Variants in TMC1 observed in about 807,000 individuals in gnomAD.
TMC1 encodes the protein transmembrane channel-like protein 1.
In TMC1, 84 loss-of-function variants were observed where a neutral mutation model predicts 105.8. The ratio of observed to expected loss-of-function variants is 0.79; its 90% CI spans 0.67 to 0.95. TMC1 has a LOEUF of 0.95. Ranked by LOEUF, TMC1 falls within the 40% of genes least tolerant of loss-of-function variation. The pLI, the probability that TMC1 is intolerant of heterozygous loss-of-function variation, is 0.00. For missense variants in TMC1, 817 were observed against 914.1 expected (o/e 0.89, Z 1.37); for synonymous variants, 315 against 311.5 (o/e 1.01, Z -0.12).
chr9:72,675,028 A>C lies in TMC1; in HGVS notation c.17-13681A>C, dbSNP rs150830039. On this transcript the variant is annotated intron_variant, in intron 5 of 23. Coordinates refer to ENST00000297784, the MANE Select transcript of TMC1 (RefSeq NM_138691.3). ...AGATCCTTAAGAAGAATGCAGAAGT[A>C]TGAAAATAAATCCAGGACTCAGAAA... is the stretch of plus-strand genomic sequence containing the variant. Among the ~76,000 whole-genome samples the C allele has an allele frequency of 6.4e-4, 98 of 152,360 alleles. 2 individuals are homozygous for C. In the East Asian group the frequency reaches 8.9e-3, roughly 14 times the overall value.
At chr9:72,655,125 C>T (rs1414974178) in intron 5 of TMC1, among the ~76,000 whole-genome samples, 3 of 152,094 alleles carry the variant, frequency 2.0e-5, no homozygotes, top group Non-Finnish European at 2.9e-5. Context: ...TCATGAGATC[C>T]GATGGTTTTA....
intron 2 of TMC1, among the ~76,000 whole-genome samples, chr9:72,592,737 T>C (rs1002606723): frequency 1.3e-5 from 2 of 152,226 alleles, no homozygotes; most frequent in African/African-American, 2.4e-5. Flanking sequence ...AGATGCTCAA[T>C]GTCTTACACT....
chr9:72,628,491 GTGCACTTGCA>G (rs1326551809), intron 4 of TMC1: 1 of 162,748 alleles, frequency 6.1e-6, no homozygotes. Flanking sequence ...GTGTGTACGT[GTGCACTTGCA>G]TGTGTGTGGG....
chr9:72,556,665 A>G (rs1219358119), intron 1 of TMC1, among the ~76,000 whole-genome samples: 1 of 151,440 alleles, frequency 6.6e-6, no homozygotes, highest in African/African-American at 2.4e-5. Context: ...CTGAAAATAC[A>G]AAAAAAATTA....
intron 17 of TMC1, among the ~76,000 whole-genome samples, chr9:72,802,254 T>TATATACATACATAC (rs1564564685): frequency 1.1e-3 from 168 of 149,272 alleles, no homozygotes; most frequent in African/African-American, 3.9e-3. Flanking sequence ...TACATACATA[T>TATATACATACATAC]ATACATACAT....
intron 4 of TMC1, 64 bp downstream of exon 4, chr9:72,628,127 A>G (rs1163453086): frequency 4.4e-6 from 2 of 455,008 alleles, no homozygotes; most frequent in Non-Finnish European, 8.8e-6. Context: ...GGCCTTTCAC[A>G]TGCTATGTTT....
chr9:72,568,302 T>G (rs942277819), intron 1 of TMC1, among the ~76,000 whole-genome samples: 7 of 152,132 alleles, frequency 4.6e-5, no homozygotes, highest in Admixed American at 1.3e-4. Flanking sequence ...GCAACGAAGG[T>G]AGGAAACCCT....
intron 1 of TMC1, among the ~76,000 whole-genome samples, chr9:72,553,884 C>T (rs1823892553): frequency 6.6e-6 from 1 of 152,130 alleles, no homozygotes; most frequent in Non-Finnish European, 1.5e-5. Context: ...TAAGTACTGG[C>T]GTCTCCCTAC....
intron 10 of TMC1, among the ~76,000 whole-genome samples, chr9:72,747,907 T>C (rs1827518371): frequency 6.6e-6 from 1 of 152,170 alleles, no homozygotes; most frequent in Admixed American, 6.6e-5. Context: ...ACTCTGTTTT[T>C]ATACATTAAT....
intron 4 of TMC1, among the ~76,000 whole-genome samples, chr9:72,641,443 G>A (rs1825625495): frequency 6.6e-6 from 1 of 152,190 alleles, no homozygotes; most frequent in South Asian, 2.1e-4. Context: ...GTCAAAAACA[G>A]TCCTCTTCAC....
chr9:72,593,825 C>T (rs538209318), intron 2 of TMC1, among the ~76,000 whole-genome samples: 100 of 152,296 alleles, frequency 6.6e-4, no homozygotes, highest in African/African-American at 2.2e-3. Flanking sequence ...TATTGCTCAT[C>T]TCTGGCTGGT....
intron 2 of TMC1, among the ~76,000 whole-genome samples, chr9:72,580,998 A>G (rs1379966941): frequency 6.6e-6 from 1 of 152,208 alleles, no homozygotes; most frequent in East Asian, 1.9e-4. Context: ...GCCTCTCTCT[A>G]TATTTGCAGA....
intron 6 of TMC1, among the ~76,000 whole-genome samples, chr9:72,692,567 C>CA (rs1359774665): frequency 2.6e-5 from 4 of 152,014 alleles, no homozygotes; most frequent in Non-Finnish European, 5.9e-5. Context: ...AGTTTTAATA[C>CA]AAAAAATACT....
At chr9:72,742,325 T>C (rs982534737) in intron 9 of TMC1, 119 bp from the exon 10 acceptor site, 1 of 788,842 alleles carries the variant, frequency 1.3e-6, no homozygotes, top group Non-Finnish European at 2.2e-6. Context: ...TAGAAAGTAG[T>C]ATTTGCTGCC....
At chr9:72,549,121 A>G (rs185299741) in intron 1 of TMC1, among the ~76,000 whole-genome samples, 14 of 152,294 alleles carry the variant, frequency 9.2e-5, no homozygotes, top group African/African-American at 2.9e-4. Flanking sequence ...TTATTTACAA[A>G]CCTCTCTTCT....
intron 5 of TMC1, among the ~76,000 whole-genome samples, chr9:72,659,204 G>C (rs2132159369): frequency 6.6e-6 from 1 of 152,310 alleles, no homozygotes; most frequent in South Asian, 2.1e-4. Context: ...GACTGGACTG[G>C]ATATTTGAAT....
At chr9:72,584,804 A>C (rs1341141889) in intron 2 of TMC1, among the ~76,000 whole-genome samples, 1 of 58,374 alleles carries the variant, frequency 1.7e-5, no homozygotes, top group Non-Finnish European at 2.9e-5. Flanking sequence ...TTTTTTTTTG[A>C]GACAGGGTCT....
intron 5 of TMC1, among the ~76,000 whole-genome samples, chr9:72,684,800 G>A (rs186297765): frequency 6.6e-6 from 1 of 152,068 alleles, no homozygotes; most frequent in Admixed American, 6.6e-5. Context: ...CATTCTTCAG[G>A]TGCTCAAGCA....
At chr9:72,817,305 A>G (rs1255242447) in intron 19 of TMC1, 3 of 152,128 alleles carry the variant, frequency 2.0e-5, no homozygotes, top group Admixed American at 2.0e-4. Context: ...TTAAAAATCT[A>G]ATTTTTATTC....
Sources: gnomAD v4.1 joint callset for allele counts (sites outside exome capture counted in the v4.1 genomes callset) on GRCh38, gnomAD v4.1.1 for gene constraint, MANE v1.5 for transcripts, NCBI Gene and HGNC (gene_info 2026-07-23, HGNC 2026-07-21) for gene names.